Variants in XPO7 observed in about 807,000 individuals in gnomAD.
The protein encoded by XPO7 is exportin 7.
A neutral mutation model predicts 144.3 loss-of-function variants in XPO7; 21 were observed. The observed-to-expected ratio is 0.15, with a 90% CI of 0.10 to 0.21. XPO7 has a LOEUF of 0.21. Ranked by LOEUF, XPO7 falls within the 10% of genes least tolerant of loss-of-function variation. XPO7 has a pLI of 1.00. For missense variants in XPO7, 808 were observed against 1,325.8 expected (o/e 0.61, Z 6.06); for synonymous variants, 580 against 499.6 (o/e 1.16, Z -2.15).
At chr8:21,931,166 CTCTT>C (rs1406004828) in intron 1 of XPO7, among the ~76,000 whole-genome samples, 1 of 150,918 alleles carries the variant, frequency 6.6e-6, no homozygotes, top group South Asian at 2.2e-4. Flanking sequence ...ATTTCTCTCT[CTCTT>C]TTTTTTTTTT....
chr8:21,945,135 C>T (rs1175230095), intron 1 of XPO7, among the ~76,000 whole-genome samples: 2 of 152,172 alleles, frequency 1.3e-5, no homozygotes, highest in South Asian at 2.1e-4. Flanking sequence ...ACCTCCCAGA[C>T]GGGGTGGCGG....
intron 19 of XPO7, among the ~76,000 whole-genome samples, chr8:21,992,660 T>C (rs775483492): frequency 1.4e-4 from 22 of 152,220 alleles, no homozygotes; most frequent in Non-Finnish European, 2.6e-4. Flanking sequence ...GCAGTCCTCC[T>C]GCCCCAGCTT....
rs1812079513 is a variant in XPO7, at chr8:21,972,047, G to A, written c.492+106G>A. ...TCTTTTTTGGCAGTTGTGTGCTTTT[G>A]CGGTAAGTGATTAATGCCCTTTTGA... On this transcript the variant is annotated intron_variant, in intron 5 of 27. Transcript: ENST00000252512. The A allele has an allele frequency of 5.7e-6, 6 of 1,057,648 alleles. No individual in the cohort carries two copies. In the East Asian group the frequency reaches 1.5e-4, roughly 26 times the overall value. 65.5% of individuals were successfully genotyped at this position (1,057,648 alleles called of 1,614,324 possible). A position where few individuals can be genotyped will look rare whatever the true frequency, so the allele number is the denominator to read the frequency against.
At chr8:21,955,551 T>C (rs1466834363) in intron 1 of XPO7, among the ~76,000 whole-genome samples, 2 of 152,134 alleles carry the variant, frequency 1.3e-5, no homozygotes, top group Non-Finnish European at 2.9e-5. Context: ...ACATGACTTG[T>C]CCCTGAAGCC....
At chr8:21,979,159 C>T (rs1812321171) in intron 8 of XPO7, among the ~76,000 whole-genome samples, 2 of 152,180 alleles carry the variant, frequency 1.3e-5, no homozygotes, top group Non-Finnish European at 2.9e-5. Context: ...GATTCTCCTG[C>T]CTCAGCCTCC....
intron 1 of XPO7, among the ~76,000 whole-genome samples, chr8:21,943,554 A>G (rs1169004101): frequency 6.6e-6 from 1 of 152,218 alleles, no homozygotes; most frequent in Non-Finnish European, 1.5e-5. Flanking sequence ...TTTTGATAGT[A>G]TTAAAGGGTG....
chr8:21,961,587 C>T (rs1033427735), intron 1 of XPO7, among the ~76,000 whole-genome samples: 4 of 152,116 alleles, frequency 2.6e-5, no homozygotes, highest in South Asian at 2.1e-4. Flanking sequence ...TAGCAACATA[C>T]GAGTTCTGGT....
chr8:22,004,945 A>G lies in XPO7; in HGVS notation c.3171-50A>G, dbSNP rs200565206. The stretch of plus-strand genomic sequence containing the variant: ...AAAAAAAAAAAAAAAAAAGGCAAAT[A>G]CCTTTCCCCCCCACTCTCCTCCCCC... On this transcript the variant is annotated intron_variant, in intron 27 of 27. Transcript: ENST00000252512. The G allele has an allele frequency of 3.3e-5, 25 of 762,824 alleles. No individual in the cohort carries two copies. In the East Asian group the frequency reaches 7.5e-4, roughly 23 times the overall value. 47.3% of individuals were successfully genotyped at this position (762,824 alleles called of 1,614,324 possible).
chr8:21,920,289 A>G (rs189512470), intron 1 of XPO7, among the ~76,000 whole-genome samples: 27 of 152,000 alleles, frequency 1.8e-4, no homozygotes, highest in African/African-American at 6.0e-4. Context: ...CCGGAATACG[A>G]GAGACCCCCC....
chr8:22,001,933 C>G (rs1813161216), intron 24 of XPO7, among the ~76,000 whole-genome samples, 179 bp from the exon 25 acceptor site: 1 of 152,196 alleles, frequency 6.6e-6, no homozygotes, highest in Non-Finnish European at 1.5e-5. Flanking sequence ...TACTCACTTT[C>G]AAACTTAGAA....
At chr8:22,003,441 A>G in intron 26 of XPO7, 124 bp downstream of exon 26, 3 of 692,868 alleles carry the variant, frequency 4.3e-6, no homozygotes, top group Middle Eastern at 3.7e-4. Context: ...AAAATGGGTC[A>G]TTTACTGAGC....
chr8:21,933,040 T>A (rs2117252378), intron 1 of XPO7, among the ~76,000 whole-genome samples: 1 of 152,176 alleles, frequency 6.6e-6, no homozygotes, highest in South Asian at 2.1e-4. Context: ...ATTATAGGCA[T>A]ATATCACATT....
At chr8:21,945,811 A>G (rs141596549) in intron 1 of XPO7, among the ~76,000 whole-genome samples, 13 of 152,324 alleles carry the variant, frequency 8.5e-5, no homozygotes, top group African/African-American at 3.1e-4. Flanking sequence ...TAATGCATTG[A>G]CAAGCTTGCA....
chr8:21,976,821 TTTTG>T (rs1244511290), intron 7 of XPO7, among the ~76,000 whole-genome samples: 2 of 152,100 alleles, frequency 1.3e-5, no homozygotes, highest in Admixed American at 1.3e-4. Context: ...ACCCGGCTAA[TTTTG>T]TTTGTTTATG....
intron 22 of XPO7, 49 bp downstream of exon 22, chr8:21,998,886 C>A (rs1813041928): frequency 1.7e-5 from 27 of 1,592,838 alleles, no homozygotes; most frequent in African/African-American, 2.7e-5. Context: ...CCAGCTCAGT[C>A]ACCACACTGT....
At chr8:21,952,641 T>C (rs1189273872) in intron 1 of XPO7, among the ~76,000 whole-genome samples, 1 of 152,220 alleles carries the variant, frequency 6.6e-6, no homozygotes, top group Non-Finnish European at 1.5e-5. Flanking sequence ...AAATATTTTA[T>C]ACCAGATAAG....
intron 1 of XPO7, among the ~76,000 whole-genome samples, chr8:21,929,812 G>A (rs1319625773): frequency 6.6e-6 from 1 of 152,048 alleles, no homozygotes; most frequent in Non-Finnish European, 1.5e-5. Context: ...ACTGCGATAA[G>A]GGGCAGGCAT....
intron 24 of XPO7, among the ~76,000 whole-genome samples, chr8:22,001,308 C>CAAAA (rs762708728): frequency 8.6e-6 from 1 of 116,910 alleles, no homozygotes; most frequent in Admixed American, 9.0e-5. Context: ...GACTCCGTAT[C>CAAAA]AAAAAAAAAA....
intron 13 of XPO7, among the ~76,000 whole-genome samples, chr8:21,986,112 G>T (rs1385598247): frequency 6.7e-6 from 1 of 149,262 alleles, no homozygotes; most frequent in African/African-American, 2.5e-5. Context: ...TTTTTCATCT[G>T]TGCAATTCTC....
Sources: gnomAD v4.1 joint callset for allele counts (sites outside exome capture counted in the v4.1 genomes callset) on GRCh38, gnomAD v4.1.1 for gene constraint, MANE v1.5 for transcripts, NCBI Gene and HGNC (gene_info 2026-07-23, HGNC 2026-07-21) for gene names.